Variants in PDE4D observed in about 807,000 individuals in gnomAD.
The protein encoded by PDE4D is phosphodiesterase 4D.
PDE4D carries 24 observed loss-of-function variants against 87.4 expected under a neutral mutation model. The observed-to-expected ratio is 0.27, with a 90% confidence interval of 0.20 to 0.39. The LOEUF (loss-of-function observed/expected upper bound fraction) is 0.39, where lower values mean the gene tolerates loss of function less well. PDE4D is among the 10% of genes least tolerant of loss of function. The pLI is 1.00. For synonymous variants in PDE4D, 384 were observed against 383.2 expected, an observed-to-expected ratio of 1.00 and a Z score of -0.02; for missense variants, 714 against 1,041.0, an observed-to-expected ratio of 0.69 and a Z score of 4.32.
chr5:59,898,598 C>T (rs1207852162), upstream of PDE4D, among the ~76,000 whole-genome samples: 5 of 152,092 alleles, frequency 3.3e-5, no homozygotes, highest in Admixed American at 6.6e-5. Flanking sequence ...AATGTGTGTA[C>T]GTCTTGGGGA....
Position 59,684,412 on chromosome 5 carries a change from T to A in PDE4D, c.455+208756A>T, listed in dbSNP as rs534432500. 6.1e-4 allele frequency among the ~76,000 whole-genome samples: 93 copies of A among 152,198 alleles called. 1 individual carries two copies. The South Asian group carries it at 0.019, about 31-fold the overall frequency. On this transcript the variant is annotated intron_variant, in intron 1 of 14. Coordinates refer to ENST00000340635, the MANE Select transcript of PDE4D (RefSeq NM_001104631.2). ...TCTCGATACCATTTTTTTGAATAAA[T>A]GGATAACAAAAAACAATAAATATCA...
intron 1 of PDE4D, among the ~76,000 whole-genome samples, chr5:59,424,024 G>T (rs1053938818): frequency 2.0e-4 from 30 of 152,068 alleles, no homozygotes; most frequent in African/African-American, 7.2e-4. Flanking sequence ...CAAAGGGTGA[G>T]GTGAAGGAGG....
intron 1 of PDE4D, among the ~76,000 whole-genome samples, chr5:59,489,180 G>C: frequency 6.6e-6 from 1 of 151,160 alleles, no homozygotes; most frequent in South Asian, 2.1e-4. Context: ...CAGGAGAATC[G>C]CTTGAACCCT....
At chr5:60,237,330 T>C (rs1340320760) in intron 1 of PDE4D, among the ~76,000 whole-genome samples, 1 of 152,066 alleles carries the variant, frequency 6.6e-6, no homozygotes, top group East Asian at 1.9e-4. Context: ...TATGCAGTTG[T>C]TTGTAGTAGC....
chr5:59,402,787 T>A (rs563556398), intron 1 of PDE4D, among the ~76,000 whole-genome samples: 320 of 152,240 alleles, frequency 2.1e-3, no homozygotes, highest in Non-Finnish European at 3.7e-3. Context: ...TATTTTTTTT[T>A]AAATTCCATA....
rs540835590 is a variant in PDE4D, at chr5:59,879,384, T to C, written c.455+13784A>G. Among the ~76,000 whole-genome samples, 7 of 152,324 alleles carry C rather than the reference T, an allele frequency of 4.6e-5. No individual in the cohort carries two copies. The East Asian group carries it at 5.8e-4, about 13-fold the overall frequency. ...CGGAACTCCGTATATATTGAACTAC[T>C]CTCTTAGGCTACTGTCTTGGAAAAT... On this transcript the variant is annotated intron_variant, in intron 1 of 14. Coordinates refer to ENST00000340635, the MANE Select transcript of PDE4D (RefSeq NM_001104631.2).
Position 59,292,019 on chromosome 5 carries a change from G to C in PDE4D, c.456-76051C>G, listed in dbSNP as rs1332837899. On this transcript the variant is annotated intron_variant, in intron 1 of 14. Coordinates refer to ENST00000340635, the MANE Select transcript of PDE4D (RefSeq NM_001104631.2). The stretch of plus-strand genomic sequence containing the variant: ...GTCTTAAGTATGGTGCTTGGCAAAA[G>C]TTGCTTTATGGAAAATGGAAGGCAA... Among the ~76,000 whole-genome samples the C allele has an allele frequency of 2.6e-5, 4 of 151,954 alleles. No homozygotes were observed. In the East Asian group the frequency reaches 7.7e-4, roughly 29 times the overall value.
chr5:60,015,793 G>T (rs1383388545), intron 2 of PDE4D, among the ~76,000 whole-genome samples: 1 of 152,080 alleles, frequency 6.6e-6, no homozygotes, highest in African/African-American at 2.4e-5. Context: ...ATAGCCTTCG[G>T]ATTTGAGTTG....
At chr5:60,222,651 A>C (rs1744634113) in intron 1 of PDE4D, among the ~76,000 whole-genome samples, 2 of 152,044 alleles carry the variant, frequency 1.3e-5, no homozygotes, top group Non-Finnish European at 2.9e-5. Flanking sequence ...TGGCATAGTT[A>C]GTCTTTTTCA....
chr5:60,277,317 AAAG>A (rs894049807), intron 1 of PDE4D, among the ~76,000 whole-genome samples: 9 of 152,138 alleles, frequency 5.9e-5, no homozygotes, highest in Admixed American at 2.0e-4. Context: ...CCATATCAAA[AAAG>A]AAGAAGTAAA....
rs557662025 is a variant in PDE4D, at chr5:59,890,713, G to A, written c.455+2455C>T. Among the ~76,000 whole-genome samples, 5 of 152,302 alleles carry A rather than the reference G, an allele frequency of 3.3e-5. No homozygotes were observed. The South Asian group carries it at 6.2e-4, about 19-fold the overall frequency. ...GCAGGAGACTTGGGTTTCAGTCTTAGCTCTAGCACTCACAGTCTATGTGAT... is the reference window on the plus strand; with the variant it reads ...GCAGGAGACTTGGGTTTCAGTCTTAACTCTAGCACTCACAGTCTATGTGAT... On this transcript the variant is annotated intron_variant, in intron 1 of 14. Transcript: ENST00000340635.
intron 1 of PDE4D, among the ~76,000 whole-genome samples, chr5:60,463,255 G>A (rs1747096453): frequency 6.6e-6 from 1 of 152,142 alleles, no homozygotes. Flanking sequence ...GGAGTTTCTA[G>A]GAAAGTCTAT....
intron 1 of PDE4D, among the ~76,000 whole-genome samples, chr5:60,391,654 T>C (rs1341145420): frequency 1.3e-5 from 2 of 152,206 alleles, no homozygotes; most frequent in Non-Finnish European, 2.9e-5. Context: ...TTTTAAAATA[T>C]TGAATTGGGC....
chr5:59,474,223 C>T (rs967659062), intron 1 of PDE4D, among the ~76,000 whole-genome samples: 36 of 152,162 alleles, frequency 2.4e-4, no homozygotes, highest in Middle Eastern at 3.4e-3. Flanking sequence ...CTTTTAAGTT[C>T]ATTATATGCC....
chr5:59,313,932 T>C (rs1232841941), intron 1 of PDE4D, among the ~76,000 whole-genome samples: 1 of 152,170 alleles, frequency 6.6e-6, no homozygotes, highest in Admixed American at 6.5e-5. Flanking sequence ...GAGAGGCTTC[T>C]GAACAATCAA....
At chr5:59,954,260 T>C (rs1262653859) in intron 3 of PDE4D, among the ~76,000 whole-genome samples, 1 of 152,140 alleles carries the variant, frequency 6.6e-6, no homozygotes, top group South Asian at 2.1e-4. Context: ...TAGCAAGAAA[T>C]GATATGGTGA....
chr5:59,071,083 T>C (rs7737269), intron 5 of PDE4D, among the ~76,000 whole-genome samples: 4,288 of 152,310 alleles, frequency 0.028, 234 homozygotes, highest in African/African-American at 0.098. Flanking sequence ...AATAGTTTGG[T>C]TGAGTATAGA....
chr5:60,293,971 TCA>T (rs1442345042), intron 1 of PDE4D, among the ~76,000 whole-genome samples: 1 of 152,214 alleles, frequency 6.6e-6, no homozygotes, highest in Non-Finnish European at 1.5e-5. Flanking sequence ...AATTGCTAGG[TCA>T]AAGGGTAGGT....
chr5:59,075,479 CATT>C (rs1765531202), intron 5 of PDE4D, among the ~76,000 whole-genome samples: 1 of 150,126 alleles, frequency 6.7e-6, no homozygotes, highest in African/African-American at 2.4e-5. Flanking sequence ...TACTTCAAAT[CATT>C]GGTATGCACA....
Sources: allele counts gnomAD v4.1 joint callset (sites outside exome capture counted in the v4.1 genomes callset), GRCh38; gene constraint gnomAD v4.1.1; transcripts MANE v1.5; gene names NCBI Gene and HGNC (gene_info 2026-07-23, HGNC 2026-07-21).